The following PHF24 variants were observed in gnomAD, a reference collection of about 807,000 sequenced individuals.
PHF24 encodes the protein Galpha inhibitory interacting protein.
Under a neutral mutation model 42.6 loss-of-function variants are expected in PHF24, and 25 were observed. The observed-to-expected ratio is 0.59, with a 90% CI of 0.43 to 0.82. The LOEUF is 0.82. Ranked by LOEUF, PHF24 falls within the 40% of genes least tolerant of loss-of-function variation. The probability of loss-of-function intolerance (pLI) is 0.00; values close to 1 mark genes in which losing one functional copy is unlikely to be tolerated. For missense variants in PHF24, 470 were observed against 538.1 expected, an observed-to-expected ratio of 0.87 and a Z score of 1.25; for synonymous variants, 185 against 204.8, an observed-to-expected ratio of 0.90 and a Z score of 0.83.
the PHF24 span, among the ~76,000 whole-genome samples, chr9:34,890,561 G>A: frequency 1.3e-5 from 2 of 152,220 alleles, no homozygotes; most frequent in African/African-American, 4.8e-5. Context: ...TCAACGGCAA[G>A]CTGTTCTTTC....
chr9:34,795,369 A>G, the PHF24 span, among the ~76,000 whole-genome samples: 1 of 152,188 alleles, frequency 6.6e-6, no homozygotes. Context: ...ATTCTTCAGA[A>G]TTTCTTTAGA....
chr9:34,851,080 C>T, the PHF24 span, among the ~76,000 whole-genome samples: 9 of 152,194 alleles, frequency 5.9e-5, no homozygotes, highest in Non-Finnish European at 1.3e-4. Context: ...GCAGTCTGCC[C>T]GTTCTCAGAT....
At chr9:34,839,782 G>A in the PHF24 span, among the ~76,000 whole-genome samples, 4 of 152,168 alleles carry the variant, frequency 2.6e-5, no homozygotes, top group East Asian at 1.9e-4. Context: ...ACAAATTTAC[G>A]TGAATCAAGA....
At chr9:34,867,634 G>A in the PHF24 span, among the ~76,000 whole-genome samples, 1 of 152,102 alleles carries the variant, frequency 6.6e-6, no homozygotes, top group African/African-American at 2.4e-5. Context: ...GACTCCTTTT[G>A]ATGGTTTTTG....
chr9:34,809,784 C>T, the PHF24 span, among the ~76,000 whole-genome samples: 2 of 152,126 alleles, frequency 1.3e-5, no homozygotes, highest in African/African-American at 4.8e-5. This position sits in a 1 kb window ranked among gnomAD's most constrained non-coding sequence, Gnocchi z 4.1. Flanking sequence ...TTTCAGTCCC[C>T]GCGCCGCAGT....
At chr9:34,863,402 C>T in the PHF24 span, among the ~76,000 whole-genome samples, 1 of 141,192 alleles carries the variant, frequency 7.1e-6, no homozygotes, top group African/African-American at 2.6e-5. Context: ...TGAGCCACCC[C>T]CAGCTGGCTC....
chr9:34,969,854 T>C (rs1563930924), intron 1 of PHF24, among the ~76,000 whole-genome samples: 1 of 152,086 alleles, frequency 6.6e-6, no homozygotes, highest in Non-Finnish European at 1.5e-5. Flanking sequence ...TGGCCTTACT[T>C]CTCCTCCTAC....
the PHF24 span, chr9:34,894,963 G>A: frequency 2.5e-6 from 1 of 398,140 alleles, no homozygotes; most frequent in African/African-American, 2.1e-5. Flanking sequence ...GTTAGCAGCA[G>A]GGGTCATAGA....
the PHF24 span, among the ~76,000 whole-genome samples, chr9:34,930,576 C>G: frequency 1.3e-5 from 2 of 152,128 alleles, no homozygotes; most frequent in African/African-American, 2.4e-5. Context: ...TCACAAAGAT[C>G]AGGGACATTT....
chr9:34,768,616 C>T, the PHF24 span, among the ~76,000 whole-genome samples: 1 of 152,088 alleles, frequency 6.6e-6, no homozygotes, highest in Non-Finnish European at 1.5e-5. Flanking sequence ...GCCTGGCGTA[C>T]GTTGGTGGCT....
chr9:34,765,153 G>A, the PHF24 span, among the ~76,000 whole-genome samples: 1 of 151,700 alleles, frequency 6.6e-6, no homozygotes, highest in South Asian at 2.1e-4. Context: ...GTGTGGTGTG[G>A]TGCTGAAAAA....
At chr9:34,878,013 A>C in the PHF24 span, among the ~76,000 whole-genome samples, 1 of 152,204 alleles carries the variant, frequency 6.6e-6, no homozygotes, top group Non-Finnish European at 1.5e-5. Context: ...AACCCACAGC[A>C]TGTATAACAC....
the PHF24 span, among the ~76,000 whole-genome samples, chr9:34,935,993 TC>T: frequency 6.7e-6 from 1 of 148,260 alleles, no homozygotes; most frequent in Non-Finnish European, 1.5e-5. Flanking sequence ...ATAAGAGTCC[TC>T]AAAAAAAAAA....
At chr9:34,968,995 A>T (rs1437569019) in intron 1 of PHF24, among the ~76,000 whole-genome samples, 1 of 152,250 alleles carries the variant, frequency 6.6e-6, no homozygotes, top group Non-Finnish European at 1.5e-5. Flanking sequence ...CTTGAGCCTT[A>T]GCTCTGATAG....
At chr9:34,885,756 C>A in the PHF24 span, among the ~76,000 whole-genome samples, 1 of 152,086 alleles carries the variant, frequency 6.6e-6, no homozygotes, top group Non-Finnish European at 1.5e-5. Flanking sequence ...TCTCTGTGAT[C>A]TCTCCTGCTG....
chr9:34,966,610 T>C (rs1163909531), intron 1 of PHF24, among the ~76,000 whole-genome samples: 1 of 151,408 alleles, frequency 6.6e-6, no homozygotes, highest in East Asian at 1.9e-4. Flanking sequence ...TCAAAATAAA[T>C]AATTAAATCA....
At chr9:34,930,760 C>G in the PHF24 span, among the ~76,000 whole-genome samples, 1 of 152,116 alleles carries the variant, frequency 6.6e-6, no homozygotes, top group Non-Finnish European at 1.5e-5. Context: ...CAACATCTTT[C>G]AATATTATAA....
chr9:34,729,165 C>T, the PHF24 span: 1 of 1,225,562 alleles, frequency 8.2e-7, no homozygotes, highest in South Asian at 1.7e-5. Flanking sequence ...AAGTATTACA[C>T]AAAGGTAACT....
At chr9:34,729,620 G>A in the PHF24 span, among the ~76,000 whole-genome samples, 3 of 152,224 alleles carry the variant, frequency 2.0e-5, no homozygotes, top group African/African-American at 7.2e-5. Flanking sequence ...TGGTGATTCA[G>A]TCTGTAGATG....
Sources: gnomAD v4.1 joint callset for allele counts (sites outside exome capture counted in the v4.1 genomes callset) on GRCh38, gnomAD v4.1.1 for gene constraint, Gnocchi (gnomAD v3.1) non-coding constraint, MANE v1.5 for transcripts, NCBI Gene and HGNC (gene_info 2026-07-23, HGNC 2026-07-21) for gene names.